The following ATP8B4 variants were observed in gnomAD, a reference collection of about 807,000 sequenced individuals.
ATP8B4 encodes the protein probable phospholipid-transporting ATPase IM.
A neutral mutation model predicts 145.6 loss-of-function variants in ATP8B4; 133 were observed. That is an observed-to-expected ratio of 0.91 (90% CI 0.79 to 1.05). The LOEUF (loss-of-function observed/expected upper bound fraction) is 1.05. Among genes scored for constraint, ATP8B4 ranks in the 50% least tolerant of loss-of-function variants. The probability of loss-of-function intolerance (pLI) is 0.00; values close to 1 mark genes in which losing one functional copy is unlikely to be tolerated. For synonymous variants in ATP8B4, 507 were observed against 492.9 expected (o/e 1.03, Z -0.38); for missense variants, 1,458 against 1,425.2 (o/e 1.02, Z -0.37).
At chr15:50,095,310 A>G (rs992250204) in intron 2 of ATP8B4, among the ~76,000 whole-genome samples, 10 of 152,160 alleles carry the variant, frequency 6.6e-5, no homozygotes, top group African/African-American at 2.4e-4. Flanking sequence ...AAAGAAAGAG[A>G]GCATGTGGCA....
At chr15:50,133,038 C>T (rs1349043755) in intron 1 of ATP8B4, among the ~76,000 whole-genome samples, 1 of 152,052 alleles carries the variant, frequency 6.6e-6, no homozygotes, top group Non-Finnish European at 1.5e-5. Context: ...CAGCAAACCA[C>T]CAATGGCACA....
At chr15:50,048,901 A>G (rs1320082161) in intron 3 of ATP8B4, among the ~76,000 whole-genome samples, 3 of 152,144 alleles carry the variant, frequency 2.0e-5, no homozygotes, top group African/African-American at 7.2e-5. Flanking sequence ...TGTACTGATC[A>G]CCAGCCCACA....
At chr15:50,072,564 GC>G (rs1386917620) in intron 3 of ATP8B4, among the ~76,000 whole-genome samples, 1 of 151,964 alleles carries the variant, frequency 6.6e-6, no homozygotes, top group East Asian at 1.9e-4. Context: ...CAAGCCTAAA[GC>G]CCACACATGT....
chr15:49,879,503 TA>T (rs759177060), intron 23 of ATP8B4, 44 bp from the exon 24 acceptor site: 12 of 1,491,054 alleles, frequency 8.0e-6, no homozygotes, highest in Non-Finnish European at 1.0e-5. Flanking sequence ...TCATCCATAG[TA>T]GTGAGAATAT....
intron 3 of ATP8B4, among the ~76,000 whole-genome samples, chr15:50,072,976 CTCTCTATA>C (rs2053899797): frequency 8.4e-5 from 2 of 23,896 alleles, no homozygotes; most frequent in African/African-American, 3.6e-4. Flanking sequence ...CTCTCTCTCT[CTCTCTATA>C]TATATATATA....
At chr15:49,943,832 T>C (rs906511590) in intron 14 of ATP8B4, among the ~76,000 whole-genome samples, 4 of 152,236 alleles carry the variant, frequency 2.6e-5, no homozygotes, top group African/African-American at 9.6e-5. Flanking sequence ...ACTGTATTAC[T>C]GTAATGGTGG....
Position 49,933,905 on chromosome 15 carries a change from A to T in ATP8B4, c.1453+112T>A. The T allele has an allele frequency of 3.3e-6, 4 of 1,203,330 alleles. No homozygotes were observed. The African/African-American group carries it at 6.3e-5, about 19-fold the overall frequency. 74.5% of individuals were successfully genotyped at this position (1,203,330 alleles called of 1,614,324 possible). On this transcript the variant is annotated intron_variant, in intron 15 of 27. Transcript: ENST00000284509. The stretch of plus-strand genomic sequence containing the variant: ...TCTGTGTTAAAAAACAAAAACAAAA[A>T]ACAAGGCTCACTGCTCAAATGCTTA...
intron 15 of ATP8B4, among the ~76,000 whole-genome samples, chr15:49,931,929 G>A (rs1361153333): frequency 1.3e-5 from 2 of 151,600 alleles, no homozygotes; most frequent in African/African-American, 4.8e-5. Context: ...ATGTGTAGTT[G>A]GAGTGGGGGT....
chr15:50,128,489 T>G lies in ATP8B4; in HGVS notation c.-42-21481A>C, dbSNP rs572463807. Among the ~76,000 whole-genome samples, 168 of 152,254 alleles carry G rather than the reference T, an allele frequency of 1.1e-3. 1 individual carries two copies. The highest frequency in any genetic ancestry group is 2.1e-3 in the South Asian group (10 of 4,834). The stretch of plus-strand genomic sequence containing the variant: ...GGGCCAAAATGACAAGATCTGCTTG[T>G]GCAAAGAGAATCCAGAGGACCTGGC... On this transcript the variant is annotated intron_variant, in intron 1 of 3. Coordinates refer to the ATP8B4 transcript ENST00000558829.
chr15:49,908,511 A>G (rs990816703), intron 20 of ATP8B4, among the ~76,000 whole-genome samples: 1 of 152,138 alleles, frequency 6.6e-6, no homozygotes, highest in Non-Finnish European at 1.5e-5. Context: ...ATCTCACCAC[A>G]GACTCCACTC....
intron 8 of ATP8B4, among the ~76,000 whole-genome samples, chr15:50,001,913 T>C (rs778541008): frequency 6.6e-6 from 1 of 152,194 alleles, no homozygotes; most frequent in Non-Finnish European, 1.5e-5. Flanking sequence ...GGAATCTTAC[T>C]GAAGATTCTC....
chr15:50,170,655 A>C (rs139445279), intron 1 of ATP8B4, among the ~76,000 whole-genome samples: 1 of 150,542 alleles, frequency 6.6e-6, no homozygotes, highest in Non-Finnish European at 1.5e-5. Flanking sequence ...ACAAAAAAAA[A>C]CAAAGTACAC....
At chr15:49,881,832 AC>A (rs1420579106) in intron 23 of ATP8B4, among the ~76,000 whole-genome samples, 2 of 152,266 alleles carry the variant, frequency 1.3e-5, no homozygotes, top group Admixed American at 1.3e-4. Context: ...TGAGAAAAAA[AC>A]AAATGCATCT....
intron 14 of ATP8B4, among the ~76,000 whole-genome samples, chr15:49,934,667 G>T (rs1474643729): frequency 6.6e-6 from 1 of 152,046 alleles, no homozygotes; most frequent in Non-Finnish European, 1.5e-5. Context: ...TACTTTCTCA[G>T]ATGTCACTGG....
rs1281606134 is a variant in ATP8B4 at position 49,920,108 on chromosome 15, A to G, written c.1923+138T>C. On this transcript the variant is annotated intron_variant, in intron 18 of 27. Coordinates refer to ENST00000284509, the MANE Select transcript of ATP8B4 (RefSeq NM_024837.4). Reference sequence around the variant, plus strand: ...CATGGAAAACTCAAAGCCAACATATAAAGCATGATTCAGTGATTGAAAGAG... The same window carrying G: ...CATGGAAAACTCAAAGCCAACATATGAAGCATGATTCAGTGATTGAAAGAG... 6.0e-6 allele frequency: 7 copies of G among 1,169,590 alleles called. No homozygotes were observed. In the African/African-American group the frequency reaches 6.2e-5, roughly 10 times the overall value. The allele number at this position is 1,169,590 out of a possible 1,614,324, so 72.5% of individuals were successfully genotyped here.
chr15:50,016,117 T>C (rs575341304), intron 6 of ATP8B4, among the ~76,000 whole-genome samples: 11 of 152,338 alleles, frequency 7.2e-5, no homozygotes, highest in Non-Finnish European at 1.5e-4. Context: ...GTCTTCCTAT[T>C]TTGAAAACAA....
intron 13 of ATP8B4, among the ~76,000 whole-genome samples, chr15:49,967,198 CA>C (rs1296058530): frequency 3.3e-5 from 5 of 152,088 alleles, no homozygotes; most frequent in African/African-American, 9.7e-5. Flanking sequence ...TGCCAAAAAC[CA>C]GAACGCCTCT....
intron 1 of ATP8B4, among the ~76,000 whole-genome samples, chr15:50,158,572 C>T (rs2044466547): frequency 6.6e-6 from 1 of 152,224 alleles, no homozygotes; most frequent in Admixed American, 6.5e-5. Flanking sequence ...TGAGGAGCCC[C>T]TCTGCCCGGC....
intron 9 of ATP8B4, 101 bp from the exon 10 acceptor site, chr15:49,987,650 C>G (rs1347463860): frequency 1.6e-6 from 2 of 1,230,542 alleles, no homozygotes; most frequent in Non-Finnish European, 2.2e-6. Context: ...CTCCTTTAGA[C>G]AGCCTGGGGT....
Sources: gnomAD v4.1 joint callset for allele counts (sites outside exome capture counted in the v4.1 genomes callset) on GRCh38, gnomAD v4.1.1 for gene constraint, MANE v1.5 for transcripts, NCBI Gene and HGNC (gene_info 2026-07-23, HGNC 2026-07-21) for gene names.